The following RAB38 variants were observed in gnomAD, a reference collection of about 807,000 sequenced individuals.
RAB38 encodes RAB38, member RAS oncogene family, also known as ras-related protein Rab-38.
In RAB38, 15 loss-of-function variants were observed where a neutral mutation model predicts 18.4. The observed-to-expected ratio is 0.82, with a 90% CI of 0.55 to 1.26. RAB38 has a LOEUF of 1.26. Ranked by LOEUF, RAB38 falls within the 50% of genes most tolerant of loss-of-function variation. The pLI is 0.00. For synonymous variants in RAB38, 101 were observed against 104.4 expected, an observed-to-expected ratio of 0.97 and a Z score of 0.20; for missense variants, 294 against 267.4, an observed-to-expected ratio of 1.10 and a Z score of -0.69.
At chr11:88,052,176 G>A in the RAB38 span, among the ~76,000 whole-genome samples, 1 of 152,016 alleles carries the variant, frequency 6.6e-6, no homozygotes, top group Non-Finnish European at 1.5e-5. Flanking sequence ...GGTTGACAGT[G>A]AAATAGAGAT....
chr11:87,805,617 A>ACACG, the RAB38 span, among the ~76,000 whole-genome samples: 7 of 147,206 alleles, frequency 4.8e-5, no homozygotes, highest in South Asian at 4.3e-4. Context: ...ACACACACAC[A>ACACG]CACACGCACA....
the RAB38 span, among the ~76,000 whole-genome samples, chr11:88,027,072 A>T: frequency 6.6e-6 from 1 of 152,340 alleles, no homozygotes; most frequent in East Asian, 1.9e-4. Flanking sequence ...TTTTGATAAC[A>T]ATCAGACCAT....
intron 2 of RAB38, among the ~76,000 whole-genome samples, chr11:88,126,363 T>C (rs1027840809): frequency 2.0e-5 from 3 of 152,206 alleles, no homozygotes; most frequent in Non-Finnish European, 4.4e-5. Flanking sequence ...TGGAATACTA[T>C]GCAGCCATAA....
the RAB38 span, among the ~76,000 whole-genome samples, chr11:88,091,665 T>G: frequency 6.6e-6 from 1 of 151,986 alleles, no homozygotes; most frequent in African/African-American, 2.4e-5. Flanking sequence ...GCCTTTCATA[T>G]GCTATCTTCA....
the RAB38 span, among the ~76,000 whole-genome samples, chr11:87,854,196 T>C: frequency 6.6e-6 from 1 of 152,186 alleles, no homozygotes; most frequent in Non-Finnish European, 1.5e-5. Flanking sequence ...GAGTAGGGCA[T>C]GGACATCTTT....
chr11:87,924,617 C>A, the RAB38 span, among the ~76,000 whole-genome samples: 58 of 152,112 alleles, frequency 3.8e-4, no homozygotes, highest in African/African-American at 1.3e-3. Context: ...TGAAAGTAAG[C>A]CTTTCTCTAC....
At chr11:87,961,606 C>T in the RAB38 span, among the ~76,000 whole-genome samples, 1 of 152,134 alleles carries the variant, frequency 6.6e-6, no homozygotes, top group Non-Finnish European at 1.5e-5. Context: ...AAAAGTCAAT[C>T]CCTCCTTTTT....
the RAB38 span, among the ~76,000 whole-genome samples, chr11:88,044,420 C>A: frequency 1.2e-4 from 18 of 152,244 alleles, no homozygotes; most frequent in African/African-American, 4.1e-4. Context: ...CAGCCTTCCA[C>A]CCTCCATTCC....
chr11:88,035,070 T>C, the RAB38 span, among the ~76,000 whole-genome samples: 1 of 152,328 alleles, frequency 6.6e-6, no homozygotes, highest in Non-Finnish European at 1.5e-5. Flanking sequence ...ACTTCTCTGC[T>C]GATTAACAAT....
chr11:87,931,789 C>T, the RAB38 span, among the ~76,000 whole-genome samples: 4 of 152,186 alleles, frequency 2.6e-5, no homozygotes, highest in South Asian at 6.2e-4. Context: ...CTCTATAATT[C>T]TTGCCTACAA....
the RAB38 span, among the ~76,000 whole-genome samples, chr11:87,873,922 G>GTGTATATATATATATATATATA: frequency 3.9e-5 from 4 of 103,110 alleles, no homozygotes; most frequent in Middle Eastern, 5.6e-3. Flanking sequence ...GTGTGTGTGT[G>GTGTATATATATATATATATATA]TATATATATA....
At chr11:87,931,027 A>C in the RAB38 span, among the ~76,000 whole-genome samples, 3 of 152,168 alleles carry the variant, frequency 2.0e-5, no homozygotes, top group African/African-American at 7.2e-5. Context: ...CTTTTGGCTT[A>C]GGATTGACTT....
chr11:87,880,917 T>G, the RAB38 span, among the ~76,000 whole-genome samples: 1 of 151,872 alleles, frequency 6.6e-6, no homozygotes, highest in Admixed American at 6.6e-5. Flanking sequence ...TTACAGAACT[T>G]TAAAAATAAA....
the RAB38 span, among the ~76,000 whole-genome samples, chr11:87,911,990 C>G: frequency 1.3e-5 from 2 of 151,706 alleles, no homozygotes; most frequent in Non-Finnish European, 2.9e-5. Context: ...GTTTTAGTCT[C>G]TTATTGTAAT....
the RAB38 span, among the ~76,000 whole-genome samples, chr11:88,101,798 C>T: frequency 6.6e-6 from 1 of 151,254 alleles, no homozygotes. Flanking sequence ...TAATAATATA[C>T]ATAATTATGT....
the RAB38 span, among the ~76,000 whole-genome samples, chr11:87,897,792 C>A: frequency 6.6e-6 from 1 of 151,518 alleles, no homozygotes; most frequent in Non-Finnish European, 1.5e-5. Flanking sequence ...CTTTTCAGCT[C>A]CAGGATAAAA....
chr11:88,103,345 C>T, the RAB38 span, among the ~76,000 whole-genome samples: 1 of 151,970 alleles, frequency 6.6e-6, no homozygotes, highest in East Asian at 1.9e-4. Flanking sequence ...CCCAGTTTCT[C>T]ATAAAAGTAG....
At chr11:88,117,379 C>T (rs529199954) in intron 2 of RAB38, among the ~76,000 whole-genome samples, 1 of 152,194 alleles carries the variant, frequency 6.6e-6, no homozygotes, top group Admixed American at 6.5e-5. Flanking sequence ...CTAAATTTGT[C>T]AAGTAGAGCC....
At chr11:87,824,288 A>G in the RAB38 span, among the ~76,000 whole-genome samples, 1 of 152,202 alleles carries the variant, frequency 6.6e-6, no homozygotes, top group Non-Finnish European at 1.5e-5. Context: ...ACAGATGCTA[A>G]TATTTGGAGG....
Sources: allele counts gnomAD v4.1 joint callset (sites outside exome capture counted in the v4.1 genomes callset), GRCh38; gene constraint gnomAD v4.1.1; transcripts MANE v1.5; gene names NCBI Gene and HGNC (gene_info 2026-07-23, HGNC 2026-07-21).